Variants in TRPM3 observed in about 807,000 individuals in gnomAD.
TRPM3 encodes long transient receptor potential channel 3.
In TRPM3, 77 loss-of-function variants were observed where a neutral mutation model predicts 181.2. That is an observed-to-expected ratio of 0.42 (90% confidence interval 0.35 to 0.51). TRPM3 has a LOEUF of 0.51. Among genes scored for constraint, TRPM3 ranks in the 20% least tolerant of loss-of-function variants. TRPM3 has a pLI of 0.01. For missense variants in TRPM3, 1,759 were observed against 2,196.7 expected (o/e 0.80, Z 3.98); for synonymous variants, 745 against 796.4 (o/e 0.94, Z 1.09).
intron 25 of TRPM3, among the ~76,000 whole-genome samples, chr9:70,543,983 T>C (rs762580000): frequency 6.6e-6 from 1 of 152,160 alleles, no homozygotes; most frequent in Non-Finnish European, 1.5e-5. Context: ...CAAAGACTTA[T>C]TCAGGATGAA....
chr9:71,259,225 C>A (rs1221797475), intron 1 of TRPM3, among the ~76,000 whole-genome samples: 2 of 152,152 alleles, frequency 1.3e-5, no homozygotes, highest in Non-Finnish European at 2.9e-5. Context: ...GACATGAACT[C>A]ATTCTTTTTT....
intron 1 of TRPM3, among the ~76,000 whole-genome samples, chr9:71,407,157 G>A (rs778821765): frequency 2.6e-5 from 4 of 152,188 alleles, no homozygotes; most frequent in African/African-American, 7.2e-5. Context: ...CTCCCAGCAT[G>A]AGCGACACAG....
chr9:71,205,751 G>A (rs1003131751), intron 1 of TRPM3, among the ~76,000 whole-genome samples: 2 of 152,220 alleles, frequency 1.3e-5, no homozygotes, highest in African/African-American at 4.8e-5. Context: ...GTGTAGTCTG[G>A]AAAGTGATTC....
At chr9:71,432,985 A>G (rs1039719841) in intron 1 of TRPM3, among the ~76,000 whole-genome samples, 1 of 152,264 alleles carries the variant, frequency 6.6e-6, no homozygotes, top group Non-Finnish European at 1.5e-5. Context: ...AATAATATAT[A>G]GTATAACTAC....
At chr9:71,126,846 G>A (rs2074062840) in intron 1 of TRPM3, among the ~76,000 whole-genome samples, 1 of 152,158 alleles carries the variant, frequency 6.6e-6, no homozygotes, top group African/African-American at 2.4e-5. Context: ...TTTTCAGACA[G>A]CCCATTCCAT....
chr9:70,830,284 TCAC>T (rs1421350205), intron 5 of TRPM3, among the ~76,000 whole-genome samples: 1 of 152,228 alleles, frequency 6.6e-6, no homozygotes, highest in Non-Finnish European at 1.5e-5. Context: ...GCTGATGTAT[TCAC>T]CACAATCTAA....
At chr9:70,831,962 A>AATATATATATATATTTATATATAT (rs1554730387) in intron 5 of TRPM3, among the ~76,000 whole-genome samples, 3 of 64,254 alleles carry the variant, frequency 4.7e-5, no homozygotes, top group African/African-American at 2.3e-4. Flanking sequence ...GTACCCCATA[A>AATATATATATATATTTATATATAT]ATATATATAT....
intron 1 of TRPM3, among the ~76,000 whole-genome samples, chr9:71,107,197 C>T (rs1007910726): frequency 2.0e-5 from 3 of 152,186 alleles, no homozygotes; most frequent in African/African-American, 7.2e-5. Context: ...CAGCCCACTC[C>T]ACCCACGACG....
intron 1 of TRPM3, among the ~76,000 whole-genome samples, chr9:71,051,338 C>T (rs931216390): frequency 2.6e-5 from 4 of 152,152 alleles, no homozygotes; most frequent in African/African-American, 4.8e-5. Context: ...CATTACTAAA[C>T]ATACTAAATC....
At position 70,880,543 on chromosome 9, in the gene TRPM3, C is replaced by T. The variant is rs114914521; in HGVS notation, c.178-16032G>A. 1.7e-3 allele frequency among the ~76,000 whole-genome samples: 264 copies of T among 152,166 alleles called. 1 individual carries two copies. Among genetic ancestry groups the T allele is most frequent in the African/African-American group, 6.1e-3 (252 of 41,534 alleles). ...AAAATTGTGCCCACAGGGTCCTAAACAGGTGGATTTTAGTTGGTATTTGCA... is the reference window on the plus strand; with the variant it reads ...AAAATTGTGCCCACAGGGTCCTAAATAGGTGGATTTTAGTTGGTATTTGCA... On this transcript the variant is annotated intron_variant, in intron 1 of 25. Transcript: ENST00000677713.
At chr9:70,749,505 A>G (rs2075766400) in intron 8 of TRPM3, among the ~76,000 whole-genome samples, 1 of 152,208 alleles carries the variant, frequency 6.6e-6, no homozygotes, top group Non-Finnish European at 1.5e-5. Flanking sequence ...CACAAATCCA[A>G]AATAAGCCAT....
chr9:70,592,065 G>A (rs1564466929), intron 21 of TRPM3, among the ~76,000 whole-genome samples: 2 of 152,058 alleles, frequency 1.3e-5, no homozygotes, highest in East Asian at 3.9e-4. Context: ...ATGTTATTTG[G>A]GATCTGTTTC....
At position 70,686,604 on chromosome 9, in the gene TRPM3, C is replaced by T. The variant is rs1291404857; in HGVS notation, c.1273-5026G>A. 1.3e-3 allele frequency among the ~76,000 whole-genome samples: 62 copies of T among 47,688 alleles called. 1 individual carries two copies. The highest frequency in any genetic ancestry group is 4.7e-3 in the African/African-American group (52 of 11,074). The allele number at this position is 47,688 out of a possible 152,430, so 31.3% of individuals were successfully genotyped here. On this transcript the variant is annotated intron_variant, in intron 8 of 25. Coordinates refer to ENST00000677713, the MANE Select transcript of TRPM3 (RefSeq NM_001366145.2). ...TCCCTCCCTCCCTCCCTCCCTCCCT[C>T]CCTCCCGCCCTTCCTGGAAACTCCT...
intron 1 of TRPM3, among the ~76,000 whole-genome samples, chr9:71,131,468 T>C (rs1381851654): frequency 2.6e-5 from 4 of 152,212 alleles, no homozygotes; most frequent in Admixed American, 1.3e-4. Context: ...AATTGTCGAC[T>C]GTATCCCAGA....
At chr9:70,581,797 A>T (rs544577475) in intron 22 of TRPM3, among the ~76,000 whole-genome samples, 1 of 151,976 alleles carries the variant, frequency 6.6e-6, no homozygotes, top group Non-Finnish European at 1.5e-5. Context: ...ATGGGCCTCA[A>T]CTGGTCCTGC....
At chr9:71,228,490 GA>G (rs2080838769) in intron 1 of TRPM3, among the ~76,000 whole-genome samples, 1 of 152,052 alleles carries the variant, frequency 6.6e-6, no homozygotes, top group South Asian at 2.1e-4. Flanking sequence ...TCAGACAAGA[GA>G]AAGAAATAAA....
At chr9:71,058,753 A>G (rs959954258) in intron 1 of TRPM3, among the ~76,000 whole-genome samples, 1 of 152,038 alleles carries the variant, frequency 6.6e-6, no homozygotes, top group Non-Finnish European at 1.5e-5. Context: ...CTAACATGCT[A>G]TGTAAATAAG....
At chr9:71,218,216 G>C (rs2080016246) in intron 1 of TRPM3, among the ~76,000 whole-genome samples, 1 of 152,140 alleles carries the variant, frequency 6.6e-6, no homozygotes, top group African/African-American at 2.4e-5. Context: ...AAGTGAAGCA[G>C]GCATACAGTT....
chr9:71,063,338 T>C (rs1003085171), intron 1 of TRPM3, among the ~76,000 whole-genome samples: 1 of 152,124 alleles, frequency 6.6e-6, no homozygotes, highest in Non-Finnish European at 1.5e-5. Flanking sequence ...AATCAGTAAA[T>C]ATTTATTGGG....
Sources: gnomAD v4.1 joint callset for allele counts (sites outside exome capture counted in the v4.1 genomes callset) on GRCh38, gnomAD v4.1.1 for gene constraint, MANE v1.5 for transcripts, NCBI Gene and HGNC (gene_info 2026-07-23, HGNC 2026-07-21) for gene names.